The following PLEKHG1 variants were observed in gnomAD, a reference collection of about 807,000 sequenced individuals.
PLEKHG1 encodes pleckstrin homology domain-containing family G member 1.
In PLEKHG1, 44 loss-of-function variants were observed where a neutral mutation model predicts 100.8. That is an observed-to-expected ratio of 0.44 (90% CI 0.34 to 0.56). The LOEUF (loss-of-function observed/expected upper bound fraction) is 0.56. Among genes scored for constraint, PLEKHG1 ranks in the 20% least tolerant of loss-of-function variants. PLEKHG1 has a pLI of 0.01. For missense variants in PLEKHG1, 1,545 were observed against 1,720.9 expected (o/e 0.90, Z 1.81); for synonymous variants, 640 against 662.5 (o/e 0.97, Z 0.52).
chr6:150,636,675 G>A (rs997476496), intron 1 of PLEKHG1, among the ~76,000 whole-genome samples: 7 of 152,254 alleles, frequency 4.6e-5, no homozygotes, highest in South Asian at 2.1e-4. Context: ...GGCTTCACAT[G>A]TTTGGAGTTC....
chr6:150,622,205 A>G (rs1777328627), intron 1 of PLEKHG1, among the ~76,000 whole-genome samples: 1 of 152,216 alleles, frequency 6.6e-6, no homozygotes, highest in South Asian at 2.1e-4. Flanking sequence ...GAATCTCAAT[A>G]AAAGCCAACA....
At chr6:150,606,848 G>A (rs1776621527) in intron 1 of PLEKHG1, among the ~76,000 whole-genome samples, 1 of 152,016 alleles carries the variant, frequency 6.6e-6, no homozygotes, top group African/African-American at 2.4e-5. Flanking sequence ...ATGGTGATTG[G>A]GTCCTTCTGG....
chr6:150,837,442 T>C (rs1347488685), intron 15 of PLEKHG1, among the ~76,000 whole-genome samples: 1 of 152,248 alleles, frequency 6.6e-6, no homozygotes, highest in Non-Finnish European at 1.5e-5. Flanking sequence ...TTTTGGATGA[T>C]ATGTGATTTC....
At chr6:150,664,770 C>G (rs1779332422) in intron 3 of PLEKHG1, among the ~76,000 whole-genome samples, 1 of 152,180 alleles carries the variant, frequency 6.6e-6, no homozygotes. Context: ...CCGCCCTGGG[C>G]CAACTGGGGC....
Position 150,727,054 on chromosome 6 carries a change from C to T in PLEKHG1, c.-99+5854C>T, listed in dbSNP as rs113782471. On this transcript the variant is annotated intron_variant, in intron 1 of 15. Coordinates refer to ENST00000358517, the Ensembl canonical transcript of PLEKHG1. The stretch of plus-strand genomic sequence containing the variant: ...CTGTATACTTTAGTCTTTCTGTGGC[C>T]TCCCCTCTTTGAGTAATTCACAGGA... Among the ~76,000 whole-genome samples the T allele has an allele frequency of 5.8e-3, 880 of 152,266 alleles. 7 individuals carry two copies. The highest frequency in any genetic ancestry group is 0.02 in the African/African-American group (837 of 41,542).
chr6:150,618,254 C>T (rs1015602917), intron 1 of PLEKHG1, among the ~76,000 whole-genome samples: 4 of 152,176 alleles, frequency 2.6e-5, no homozygotes, highest in Admixed American at 2.6e-4. Context: ...CAGAACTTTA[C>T]TCATTTGCCA....
At chr6:150,614,594 G>A (rs969262450) in intron 1 of PLEKHG1, among the ~76,000 whole-genome samples, 1 of 152,024 alleles carries the variant, frequency 6.6e-6, no homozygotes, top group Non-Finnish European at 1.5e-5. Context: ...CAGTTGATTG[G>A]GTCAAAGGGC....
intron 3 of PLEKHG1, among the ~76,000 whole-genome samples, chr6:150,701,857 G>A (rs1220826714): frequency 6.6e-6 from 1 of 152,064 alleles, no homozygotes; most frequent in African/African-American, 2.4e-5. Flanking sequence ...AATATGAATG[G>A]GTGTCTTTTA....
At chr6:150,629,068 G>A (rs1171323193) in intron 1 of PLEKHG1, among the ~76,000 whole-genome samples, 2 of 152,192 alleles carry the variant, frequency 1.3e-5, no homozygotes, top group African/African-American at 2.4e-5. Context: ...TGGGTGTAAA[G>A]GGTAGGATTC....
chr6:150,790,023 T>G (rs565146853), intron 4 of PLEKHG1, among the ~76,000 whole-genome samples: 10 of 71,110 alleles, frequency 1.4e-4, no homozygotes, highest in African/African-American at 5.5e-4. Context: ...AATTGAAATA[T>G]TTTTTTTTCT....
At chr6:150,788,910 C>T (rs1785799925) in intron 4 of PLEKHG1, among the ~76,000 whole-genome samples, 1 of 152,208 alleles carries the variant, frequency 6.6e-6, no homozygotes, top group African/African-American at 2.4e-5. Flanking sequence ...CAAGCATGCA[C>T]ATGTACCACC....
At chr6:150,612,059 CCT>C (rs1314807955) in intron 1 of PLEKHG1, among the ~76,000 whole-genome samples, 3 of 74,626 alleles carry the variant, frequency 4.0e-5, no homozygotes, top group Admixed American at 1.2e-4. Flanking sequence ...CCCCCCCCCC[CCT>C]TTTCTAGTTC....
intron 5 of PLEKHG1, among the ~76,000 whole-genome samples, chr6:150,799,735 G>A (rs938171425): frequency 1.1e-4 from 16 of 152,152 alleles, no homozygotes; most frequent in Admixed American, 3.9e-4. Flanking sequence ...GTTTAATTAC[G>A]AAACTTCCAT....
intron 2 of PLEKHG1, among the ~76,000 whole-genome samples, chr6:150,641,041 A>G (rs1778235939): frequency 6.6e-6 from 1 of 152,150 alleles, no homozygotes. Flanking sequence ...TCTGTGCACT[A>G]CAAGTGTCCT....
intron 2 of PLEKHG1, among the ~76,000 whole-genome samples, chr6:150,752,194 AT>A (rs1234594304): frequency 2.0e-5 from 3 of 152,162 alleles, no homozygotes; most frequent in Admixed American, 6.5e-5. Context: ...TCAAAAAAAA[AT>A]AAAATAAAAT....
chr6:150,752,836 G>A (rs1240577777), intron 2 of PLEKHG1, among the ~76,000 whole-genome samples: 1 of 152,122 alleles, frequency 6.6e-6, no homozygotes, highest in Non-Finnish European at 1.5e-5. Flanking sequence ...TTTAGTCGTG[G>A]TACAGTGGCT....
intron 3 of PLEKHG1, among the ~76,000 whole-genome samples, chr6:150,701,457 A>ATATC (rs1780780598): frequency 1.2e-5 from 1 of 80,294 alleles, no homozygotes; most frequent in Non-Finnish European, 2.1e-5. Flanking sequence ...ATATATATAT[A>ATATC]TATATATATA....
At position 150,612,045 on chromosome 6, in the gene PLEKHG1, TCCCC is replaced by T. The variant is rs34843386; in HGVS notation, c.-204+12040_-204+12043del. Among the ~76,000 whole-genome samples the T allele has an allele frequency of 4.9e-4, 38 of 77,270 alleles. 1 individual carries two copies. The highest frequency in any genetic ancestry group is 1.5e-3 in the African/African-American group (32 of 21,230). 50.7% of individuals were successfully genotyped at this position (77,270 alleles called of 152,430 possible). On this transcript the variant is annotated intron_variant, in intron 1 of 3. Coordinates refer to the PLEKHG1 transcript ENST00000367326. ...CCTACTTTCAGCTTCCTGGTGTTGTTCCCCCCCCCCCCCCCTTTTCTAGTTCTTA... is the reference window on the plus strand; with the variant it reads ...CCTACTTTCAGCTTCCTGGTGTTGTTCCCCCCCCCCCTTTTCTAGTTCTTA...
At chr6:150,807,494 T>A (rs1169701584) in intron 7 of PLEKHG1, among the ~76,000 whole-genome samples, 1 of 152,224 alleles carries the variant, frequency 6.6e-6, no homozygotes. Flanking sequence ...ACGGTGCTTG[T>A]GAATATTTTC....
Sources: gnomAD v4.1 joint callset for allele counts (sites outside exome capture counted in the v4.1 genomes callset) on GRCh38, gnomAD v4.1.1 for gene constraint, MANE v1.5 for transcripts, NCBI Gene and HGNC (gene_info 2026-07-23, HGNC 2026-07-21) for gene names.